TNRC18: variants seen among roughly 807,000 people sequenced by gnomAD.
TNRC18 encodes the protein trinucleotide repeat-containing gene 18 protein.
TNRC18 carries 69 observed loss-of-function variants against 226.7 expected under a neutral mutation model. The observed-to-expected ratio is 0.30, with a 90% CI of 0.25 to 0.37. The LOEUF is 0.37. Among genes scored for constraint, TNRC18 ranks in the 10% least tolerant of loss-of-function variants. TNRC18 has a pLI of 1.00. For synonymous variants in TNRC18, 2,449 were observed against 1,927.6 expected (o/e 1.27, Z -7.09); for missense variants, 4,754 against 4,256.6 (o/e 1.12, Z -3.25).
intron 9 of TNRC18, among the ~76,000 whole-genome samples, chr7:5,375,163 G>A (rs2128178026): frequency 6.6e-6 from 1 of 152,224 alleles, no homozygotes; most frequent in African/African-American, 2.4e-5. Context: ...AAAAAAATTA[G>A]CCGTGCATGA....
At chr7:5,414,329 AATAG>A (rs1195038839) in intron 2 of TNRC18, among the ~76,000 whole-genome samples, 3 of 150,892 alleles carry the variant, frequency 2.0e-5, no homozygotes, top group Non-Finnish European at 4.4e-5. Flanking sequence ...ATAGATATAA[AATAG>A]ATATTTTTTC....
Position 5,361,956 on chromosome 7 carries a change from C to T in TNRC18, c.4473G>A (p.Gln1491=). 1 of 1,611,968 alleles carries T rather than the reference C, an allele frequency of 6.2e-7. No individual in the cohort carries two copies. The highest frequency in any genetic ancestry group is 8.5e-7 in the Non-Finnish European group (1 of 1,179,394). The change falls in exon 13 of 30, where the codon CAG becomes CAA. Residue 1491 remains glutamine, a synonymous_variant. Transcript: ENST00000430969. ...CACGCTGCTTCTCCTTGTACTGGCG[C>T]TGCACCTCGGCCAGCCGCATCCGGA... is the stretch of plus-strand genomic sequence containing the variant. ...LDFRMRLAEV[Q]RQYKEKQREL...
At chr7:5,358,233 C>G (rs564923021) in intron 15 of TNRC18, among the ~76,000 whole-genome samples, 3 of 152,294 alleles carry the variant, frequency 2.0e-5, no homozygotes, top group Admixed American at 2.0e-4. Context: ...AGAGATTTCA[C>G]AGATTAAATT....
At chr7:5,399,129 T>C (rs1780904984) in intron 2 of TNRC18, among the ~76,000 whole-genome samples, 1 of 151,404 alleles carries the variant, frequency 6.6e-6, no homozygotes, top group African/African-American at 2.4e-5. Context: ...CCCCACCCAC[T>C]GCTCACACCC....
chr7:5,345,531 C>T (rs1405912073), intron 18 of TNRC18, 31 bp downstream of exon 18: 2 of 1,069,538 alleles, frequency 1.9e-6, no homozygotes, highest in Non-Finnish European at 2.5e-6. Context: ...CTCCCACCCA[C>T]CCCCACCGCA....
chr7:5,343,282 A>G (rs2097140341), intron 18 of TNRC18, among the ~76,000 whole-genome samples: 1 of 152,130 alleles, frequency 6.6e-6, no homozygotes, highest in South Asian at 2.1e-4. Context: ...TGAATCCAGG[A>G]GGTGGAGATT....
chr7:5,361,765 G>T lies in TNRC18; in HGVS notation c.4533-43C>A, dbSNP rs772432724. Reference sequence around the variant, plus strand: ...GCTTGGCTGTGACGCTGGGGGGCGGGCGGGGCGCGGAGAACGGGCACACGA... The same window carrying T: ...GCTTGGCTGTGACGCTGGGGGGCGGTCGGGGCGCGGAGAACGGGCACACGA... On this transcript the variant is annotated intron_variant, in intron 13 of 29. Transcript: ENST00000430969. 6.5e-6 allele frequency: 10 copies of T among 1,548,684 alleles called. No individual in the cohort carries two copies. In the East Asian group the frequency reaches 1.9e-4, roughly 30 times the overall value.
chr7:5,345,425 G>A (rs914258361), intron 18 of TNRC18, 137 bp downstream of exon 18: 2 of 849,640 alleles, frequency 2.4e-6, no homozygotes, highest in Non-Finnish European at 3.6e-6. Context: ...CACGGGGCTG[G>A]CCCACGAGGC....
Position 5,361,901 on chromosome 7 carries a change from A to G in TNRC18, c.4528T>C (p.Ser1510Pro). 1.3e-6 allele frequency: 2 copies of G among 1,563,170 alleles called. No individual in the cohort carries two copies. The change falls in exon 13 of 30, where the codon TCC becomes CCC. Residue 1510 changes from serine to proline, a missense_variant. Coordinates refer to ENST00000430969, the MANE Select transcript of TNRC18 (RefSeq NM_001080495.3). Reference sequence around the variant, plus strand: ...GCGGGCGGGGGACACACTCACTCGGAGTCCCGGCGGCGCTGCAGCTTCACC... The same window carrying G: ...GCGGGCGGGGGACACACTCACTCGGGGTCCCGGCGGCGCTGCAGCTTCACC... Reference protein sequence around the residue: ...ELVKLQRRRDSEDRREEPHRS... With the variant: ...ELVKLQRRRDPEDRREEPHRS...
At chr7:5,392,052 G>C (rs1780340766) in intron 3 of TNRC18, among the ~76,000 whole-genome samples, 2 of 151,812 alleles carry the variant, frequency 1.3e-5, no homozygotes, top group Non-Finnish European at 2.9e-5. Flanking sequence ...TGCAGGACCT[G>C]TCCCTGGTCC....
intron 19 of TNRC18, among the ~76,000 whole-genome samples, chr7:5,328,125 A>G (rs532089257): frequency 6.6e-6 from 1 of 152,188 alleles, no homozygotes; most frequent in Admixed American, 6.6e-5. Flanking sequence ...GGCTGAGACA[A>G]GAGAATCACT....
At chr7:5,368,534 C>G (rs570590456) in intron 11 of TNRC18, among the ~76,000 whole-genome samples, 3 of 151,642 alleles carry the variant, frequency 2.0e-5, no homozygotes, top group East Asian at 3.9e-4. Context: ...CATGGTGGTG[C>G]GTGCCTGTAA....
Position 5,309,664 on chromosome 7 carries a change from G to A in TNRC18, c.8389-296C>T, listed in dbSNP as rs1786985974. ...GTTGCCCAGGCTGGAGCGCAGTGGC[G>A]CCATCATGACTCACTGCAGCCACGA... On this transcript the variant is annotated intron_variant, in intron 27 of 29. Transcript: ENST00000430969. The surrounding 1 kb of genome is among the most constrained non-coding windows in gnomAD (Gnocchi z 5.7). Among the ~76,000 whole-genome samples, 2 of 152,040 alleles carry A rather than the reference G, an allele frequency of 1.3e-5. No homozygotes were observed. The highest frequency in any genetic ancestry group is 4.8e-5 in the African/African-American group (2 of 41,394).
chr7:5,420,797 C>T (rs1003973822), intron 2 of TNRC18: 21 of 673,656 alleles, frequency 3.1e-5, no homozygotes, highest in Non-Finnish European at 5.2e-5. Flanking sequence ...TGGAATCGCC[C>T]CCGGTGGCTC....
chr7:5,361,196 C>T (rs993175431), intron 14 of TNRC18, among the ~76,000 whole-genome samples: 2 of 152,146 alleles, frequency 1.3e-5, no homozygotes, highest in African/African-American at 4.8e-5. Context: ...CCAGCAGGTC[C>T]GGCACGGCGG....
At chr7:5,326,087 GAAGTGTATATATGTTGC>G (rs1788888795) in intron 19 of TNRC18, among the ~76,000 whole-genome samples, 1 of 151,972 alleles carries the variant, frequency 6.6e-6, no homozygotes, top group South Asian at 2.1e-4. Flanking sequence ...AGACACCACT[GAAGTGTATATATGTTGC>G]AAGTTCCTCT....
rs1451575468 is a variant in TNRC18, at chr7:5,338,927, A to G, written c.5720-5878T>C. 5.9e-5 allele frequency among the ~76,000 whole-genome samples: 5 copies of G among 85,350 alleles called. No homozygotes were observed. The South Asian group carries it at 1.2e-3, about 21-fold the overall frequency. The allele number at this position is 85,350 out of a possible 152,430, so 56.0% of individuals were successfully genotyped here. A position where few individuals can be genotyped will look rare whatever the true frequency, so the allele number is the denominator to read the frequency against. ...GAGAGCGAAACTCCATCTCAAAAGG[A>G]AAAAAAAAAAAAAAAAAAAAGGCAT... is the stretch of plus-strand genomic sequence containing the variant. On this transcript the variant is annotated intron_variant, in intron 18 of 29. Coordinates refer to ENST00000430969, the MANE Select transcript of TNRC18 (RefSeq NM_001080495.3).
At chr7:5,398,643 GTC>G (rs1430674479) in intron 2 of TNRC18, among the ~76,000 whole-genome samples, 1 of 146,364 alleles carries the variant, frequency 6.8e-6, no homozygotes, top group Non-Finnish European at 1.5e-5. Flanking sequence ...TAAAGACAGG[GTC>G]TCTCTCTGTT....
chr7:5,374,527 C>T (rs550366028), intron 9 of TNRC18, 43 bp from the exon 10 acceptor site: 3 of 1,517,144 alleles, frequency 2.0e-6, no homozygotes, highest in African/African-American at 1.4e-5. Flanking sequence ...GCACGAGTTT[C>T]CCCCTCCCCG....
Sources: gnomAD v4.1 joint callset for allele counts (sites outside exome capture counted in the v4.1 genomes callset) on GRCh38, gnomAD v4.1.1 for gene constraint, Gnocchi (gnomAD v3.1) non-coding constraint, MANE v1.5 for transcripts, NCBI Gene and HGNC (gene_info 2026-07-23, HGNC 2026-07-21) for gene names.